Variants in ADGRG1 observed in about 807,000 individuals in gnomAD.
The protein encoded by ADGRG1 is adhesion G protein-coupled receptor G1, also known as 7-transmembrane protein with no EGF-like N-terminal domains-1.
ADGRG1 carries 53 observed loss-of-function variants against 73.5 expected under a neutral mutation model. That is an observed-to-expected ratio of 0.72 (90% CI 0.58 to 0.91). The LOEUF (loss-of-function observed/expected upper bound fraction) is 0.91, where lower values mean the gene tolerates loss of function less well. Ranked by LOEUF, ADGRG1 falls within the 40% of genes least tolerant of loss-of-function variation. ADGRG1 has a pLI of 0.00. For synonymous variants in ADGRG1, 394 were observed against 374.4 expected, an observed-to-expected ratio of 1.05 and a Z score of -0.60; for missense variants, 795 against 871.8, an observed-to-expected ratio of 0.91 and a Z score of 1.11.
upstream of ADGRG1, chr16:57,622,849 C>T (rs1177421511): frequency 6.1e-6 from 6 of 985,220 alleles, no homozygotes; most frequent in East Asian, 1.1e-4. Flanking sequence ...GGTCAGCAGG[C>T]GGGGGTGGAC....
chr16:57,657,349 C>G, intron 9 of ADGRG1, 24 bp from the exon 10 acceptor site: 1 of 1,613,822 alleles, frequency 6.2e-7, no homozygotes, highest in Non-Finnish European at 8.5e-7. Context: ...CAGAGGCCAG[C>G]TCTCTCCTGT....
chr16:57,643,816 A>C, intron 1 of ADGRG1: 1 of 953,126 alleles, frequency 1.0e-6, no homozygotes, highest in Non-Finnish European at 1.2e-6. Context: ...GGAATGGGGG[A>C]GGGGAGTGGG....
At chr16:57,627,766 G>T, upstream of ADGRG1, 18 of 984,328 alleles carry the variant, frequency 1.8e-5, no homozygotes, top group Non-Finnish European at 2.2e-5. Flanking sequence ...TCTGCAGGGA[G>T]TGTGAGTTAT....
chr16:57,625,238 G>A (rs1362745919), upstream of ADGRG1, among the ~76,000 whole-genome samples: 1 of 152,156 alleles, frequency 6.6e-6, no homozygotes, highest in African/African-American at 2.4e-5. Flanking sequence ...CCCCAACGAC[G>A]TGTTTCCAGC....
At chr16:57,644,281 TCACACACTCATGCTCAGG>T (rs2041660921) in intron 1 of ADGRG1, 8 of 737,478 alleles carry the variant, frequency 1.1e-5, no homozygotes, top group Non-Finnish European at 1.3e-5. Flanking sequence ...CACACACTCA[TCACACACTCATGCTCAGG>T]CACACACTCA....
chr16:57,631,382 G>A (rs2037863863), intron 1 of ADGRG1: 6 of 985,962 alleles, frequency 6.1e-6, no homozygotes, highest in Non-Finnish European at 7.2e-6. Flanking sequence ...GGGGTCTGGG[G>A]GGCTGTGCCA....
At position 57,653,324 on chromosome 16, in the gene ADGRG1, C is replaced by T; in HGVS notation, c.609C>T (p.Ala203=). 1 of 1,609,298 alleles carries T rather than the reference C, an allele frequency of 6.2e-7. No individual in the cohort carries two copies. The change falls in exon 4 of 14, where the codon GCC becomes GCT. Residue 203 remains alanine (A), a synonymous_variant. Transcript: ENST00000562631. ...PQKASRRPSA[A]PASQQLQSLE... Reference sequence around the variant, plus strand: ...AGGCCTCAAGGAGGCCCTCGGCTGCCCCCGCCAGCCAGTAAGTTTGGCACC... The same window carrying T: ...AGGCCTCAAGGAGGCCCTCGGCTGCTCCCGCCAGCCAGTAAGTTTGGCACC...
At chr16:57,663,332 C>T (rs796758437) in intron 13 of ADGRG1, 120 bp from the exon 14 acceptor site, 52 of 1,542,758 alleles carry the variant, frequency 3.4e-5, no homozygotes, top group South Asian at 1.1e-4. Context: ...CCCGACAGCA[C>T]GTGCTTGGCA....
upstream of ADGRG1, among the ~76,000 whole-genome samples, chr16:57,625,378 G>T (rs531153813): frequency 4.6e-5 from 7 of 152,206 alleles, no homozygotes; most frequent in Non-Finnish European, 8.8e-5. Context: ...GATTCTTCAG[G>T]GACGTTTCAG....
chr16:57,644,713 GATCACACGCACT>G (rs2042002036), intron 1 of ADGRG1, among the ~76,000 whole-genome samples: 1 of 53,516 alleles, frequency 1.9e-5, no homozygotes, highest in African/African-American at 8.9e-5. Flanking sequence ...GGCACACACT[GATCACACGCACT>G]GGCACACACT....
intron 1 of ADGRG1, 40 bp downstream of exon 1, chr16:57,628,842 T>G (rs2147133063): frequency 1.0e-6 from 1 of 968,926 alleles, no homozygotes; most frequent in East Asian, 1.2e-4. Context: ...GGAAGGGGAA[T>G]AGTGTGAGTG....
Position 57,663,909 on chromosome 16 carries a change from T to C in ADGRG1, c.*327T>C. On this transcript the variant is annotated 3_prime_UTR_variant, in exon 14 of 14. Coordinates refer to ENST00000562631, the MANE Select transcript of ADGRG1 (RefSeq NM_201525.4). ...AACCCCTGGGCCCAGCCCTCATTGCTGGGGGCCAGGCCTTGGATCTTGAGG... is the reference window on the plus strand; with the variant it reads ...AACCCCTGGGCCCAGCCCTCATTGCCGGGGGCCAGGCCTTGGATCTTGAGG... The C allele has an allele frequency of 2.3e-6, 1 of 429,878 alleles. No homozygotes were observed. 26.6% of individuals were successfully genotyped at this position (429,878 alleles called of 1,614,324 possible).
chr16:57,634,969 G>A, intron 1 of ADGRG1: 2 of 985,424 alleles, frequency 2.0e-6, no homozygotes, highest in South Asian at 4.7e-5. Flanking sequence ...AGCCATGAAT[G>A]CATCTTCAGA....
intron 1 of ADGRG1, chr16:57,636,277 G>A (rs1414563488): frequency 6.6e-5 from 65 of 985,264 alleles, no homozygotes; most frequent in Non-Finnish European, 7.2e-5. Flanking sequence ...CACAGATTCA[G>A]ATGGAATCTC....
chr16:57,659,195 G>A (rs542056175), intron 10 of ADGRG1: 62 of 985,376 alleles, frequency 6.3e-5, no homozygotes, highest in African/African-American at 5.2e-4. Flanking sequence ...AAACGTGCAC[G>A]TGGTGCCTGA....
chr16:57,627,794 G>C, upstream of ADGRG1: 1 of 985,464 alleles, frequency 1.0e-6, no homozygotes, highest in Non-Finnish European at 1.2e-6. Context: ...CTCCTGACTC[G>C]AGAAGGGCAC....
intron 1 of ADGRG1, chr16:57,630,045 G>C: frequency 1.0e-6 from 1 of 980,530 alleles, no homozygotes. Context: ...AGTGGACCAA[G>C]AAAGTTATTT....
rs746984528 is a variant in ADGRG1 at position 57,654,030 on chromosome 16, T to G, written c.665T>G (p.Met222Arg). Reference protein sequence around the residue: ...LESKLTSVRFMGDMVSFEEDR... With the variant: ...LESKLTSVRFRGDMVSFEEDR... ...TCGAAACTGACCTCTGTGAGATTCA[T>G]GGGGGACATGGTGTCCTTCGAGGAG... The change falls in exon 5 of 14, where the codon ATG becomes AGG. Residue 222 changes from methionine (M) to arginine (R), a missense_variant. By Grantham distance (91) the Met-to-Arg change is moderately conservative. Coordinates refer to ENST00000562631, the MANE Select transcript of ADGRG1 (RefSeq NM_201525.4). The G allele has an allele frequency of 6.2e-7, 1 of 1,614,108 alleles. No individual in the cohort carries two copies. The highest frequency in any genetic ancestry group is 1.7e-5 in the Admixed American group (1 of 60,028).
intron 5 of ADGRG1, chr16:57,654,998 G>T: frequency 1.1e-6 from 1 of 949,056 alleles, no homozygotes; most frequent in Non-Finnish European, 1.3e-6. Context: ...GGGATTACAG[G>T]CGTGAGCCAC....
Sources: allele counts gnomAD v4.1 joint callset (sites outside exome capture counted in the v4.1 genomes callset), GRCh38; gene constraint gnomAD v4.1.1; transcripts MANE v1.5; gene names NCBI Gene and HGNC (gene_info 2026-07-23, HGNC 2026-07-21).